The following GRIK2 variants were observed in gnomAD, a reference collection of about 807,000 sequenced individuals.
GRIK2 encodes the protein glutamate ionotropic receptor kainate type subunit 2, also known as glutamate receptor ionotropic, kainate 2.
In GRIK2, 32 loss-of-function variants were observed where a neutral mutation model predicts 100.3. That is an observed-to-expected ratio of 0.32 (90% confidence interval 0.24 to 0.43). GRIK2 has a LOEUF of 0.43. Ranked by LOEUF, GRIK2 falls within the 20% of genes least tolerant of loss-of-function variation. The pLI is 1.00. For missense variants in GRIK2, 843 were observed against 1,114.9 expected (o/e 0.76, Z 3.47); for synonymous variants, 417 against 389.4 (o/e 1.07, Z -0.83).
chr6:101,495,874 A>G (rs769837457), intron 2 of GRIK2, among the ~76,000 whole-genome samples: 1 of 151,918 alleles, frequency 6.6e-6, no homozygotes, highest in African/African-American at 2.4e-5. Context: ...TTCCTAAATC[A>G]TATACTGACT....
chr6:101,997,183 A>G (rs987895579), intron 14 of GRIK2, among the ~76,000 whole-genome samples: 3 of 152,114 alleles, frequency 2.0e-5, no homozygotes, highest in Non-Finnish European at 2.9e-5. Context: ...ATTTATAGGT[A>G]TAGTGAGTTG....
At chr6:101,471,982 A>AT (rs35531216) in intron 2 of GRIK2, among the ~76,000 whole-genome samples, 185 of 150,912 alleles carry the variant, frequency 1.2e-3, no homozygotes, top group Non-Finnish European at 1.8e-3. Flanking sequence ...TTAAAGAATG[A>AT]TTTTTTTTTG....
chr6:101,968,823 C>G (rs1214851257), intron 14 of GRIK2, among the ~76,000 whole-genome samples: 1 of 151,868 alleles, frequency 6.6e-6, no homozygotes, highest in Non-Finnish European at 1.5e-5. Context: ...AAGAAGACTT[C>G]TAAAATGAGG....
In GRIK2 at chr6:101,859,513, A is replaced by T; in HGVS notation, c.1524+20A>T. 1 of 1,393,858 alleles carries T rather than the reference A, an allele frequency of 7.2e-7. No individual in the cohort carries two copies. The highest frequency in any genetic ancestry group is 1.0e-6 in the Non-Finnish European group (1 of 985,150). 86.3% of individuals were successfully genotyped at this position (1,393,858 alleles called of 1,614,324 possible). Reference sequence around the variant, plus strand: ...GATCATGTAAGTCCCTTCCCTCATGATTTATTAGTTTGTTATGTTGCTACA... The same window carrying T: ...GATCATGTAAGTCCCTTCCCTCATGTTTTATTAGTTTGTTATGTTGCTACA... On this transcript the variant is annotated intron_variant, in intron 11 of 16. Transcript: ENST00000369134.
Position 101,787,101 on chromosome 6 carries a change from A to G in GRIK2, c.952-12547A>G, listed in dbSNP as rs543797043. Reference sequence around the variant, plus strand: ...TTTCCTATAAATTTTTGAGTTTGTTAGTACATAGTTTTTCATAACAGTCTT... The same window carrying G: ...TTTCCTATAAATTTTTGAGTTTGTTGGTACATAGTTTTTCATAACAGTCTT... On this transcript the variant is annotated intron_variant, in intron 7 of 16. Coordinates refer to ENST00000369134, the MANE Select transcript of GRIK2 (RefSeq NM_021956.5). 1.3e-4 allele frequency among the ~76,000 whole-genome samples: 19 copies of G among 151,948 alleles called. No individual in the cohort carries two copies. In the South Asian group the frequency reaches 4.0e-3, roughly 32 times the overall value.
intron 2 of GRIK2, among the ~76,000 whole-genome samples, chr6:101,523,720 CTTTT>C (rs1163558120): frequency 6.6e-5 from 8 of 121,528 alleles, no homozygotes; most frequent in Admixed American, 1.7e-4. Flanking sequence ...ACTCCTAAGT[CTTTT>C]TTTTTTTTTT....
chr6:101,410,065 C>A (rs1383321999), intron 2 of GRIK2, among the ~76,000 whole-genome samples: 1 of 152,012 alleles, frequency 6.6e-6, no homozygotes, highest in Admixed American at 6.6e-5. Flanking sequence ...AACATCATGA[C>A]TTTAATTGGT....
At chr6:102,057,811 C>G (rs2518154) in intron 16 of GRIK2, among the ~76,000 whole-genome samples, 2 of 151,528 alleles carry the variant, frequency 1.3e-5, no homozygotes, top group African/African-American at 4.8e-5. Flanking sequence ...TTTATACTCT[C>G]CCTTTTGACT....
chr6:101,621,228 A>G (rs897309416), intron 2 of GRIK2, among the ~76,000 whole-genome samples: 2 of 152,178 alleles, frequency 1.3e-5, no homozygotes, highest in African/African-American at 4.8e-5. Context: ...CAAGGCAGGC[A>G]GATGGCTTGA....
At chr6:101,433,990 C>A (rs963102175) in intron 2 of GRIK2, among the ~76,000 whole-genome samples, 8 of 152,206 alleles carry the variant, frequency 5.3e-5, no homozygotes, top group Non-Finnish European at 8.8e-5. Context: ...TAGTGCATGA[C>A]CTGTCACTGC....
Position 101,980,408 on chromosome 6 carries a change from T to TAA in GRIK2, c.2085+51778_2085+51779dup, listed in dbSNP as rs1266154841. Among the ~76,000 whole-genome samples the TAA allele has an allele frequency of 3.9e-5, 6 of 151,970 alleles. No homozygotes were observed. In the East Asian group the frequency reaches 1.2e-3, roughly 30 times the overall value. ...GTAGAATTGGAGTTTCTTAGATTTA[T>TAA]AAAGTATTTTTTGTTAGTGTCAGAA... On this transcript the variant is annotated intron_variant, in intron 14 of 16. Transcript: ENST00000369134.
intron 2 of GRIK2, among the ~76,000 whole-genome samples, chr6:101,466,577 A>G (rs1218537351): frequency 6.7e-6 from 1 of 149,838 alleles, no homozygotes; most frequent in African/African-American, 2.4e-5. Context: ...GGCACTCTTT[A>G]AAAGGCTGCT....
chr6:101,989,370 G>T (rs557967260), intron 14 of GRIK2, among the ~76,000 whole-genome samples: 1 of 151,612 alleles, frequency 6.6e-6, no homozygotes, highest in Admixed American at 6.6e-5. Flanking sequence ...TGTACGAAAG[G>T]TATTTATTAA....
chr6:101,422,827 G>A (rs1776476924), intron 2 of GRIK2, among the ~76,000 whole-genome samples: 1 of 152,058 alleles, frequency 6.6e-6, no homozygotes. Context: ...AACTCAACCA[G>A]AAAAAATAAT....
chr6:101,796,782 G>T (rs1050029999), intron 7 of GRIK2, among the ~76,000 whole-genome samples: 21 of 152,134 alleles, frequency 1.4e-4, no homozygotes, highest in African/African-American at 4.1e-4. Context: ...CAGGGCTCAA[G>T]TGATCCTCTT....
intron 2 of GRIK2, among the ~76,000 whole-genome samples, chr6:101,581,338 T>G (rs1158044827): frequency 6.6e-6 from 1 of 151,126 alleles, no homozygotes; most frequent in Non-Finnish European, 1.5e-5. Context: ...AATTAAGGAG[T>G]ATTGACTCAC....
At chr6:101,843,904 A>G (rs2128436191) in intron 10 of GRIK2, among the ~76,000 whole-genome samples, 1 of 152,238 alleles carries the variant, frequency 6.6e-6, no homozygotes. Flanking sequence ...ATACTTACCT[A>G]TTTACTTTTC....
chr6:101,994,547 A>G (rs1794550771), intron 14 of GRIK2, among the ~76,000 whole-genome samples: 1 of 151,852 alleles, frequency 6.6e-6, no homozygotes, highest in African/African-American at 2.4e-5. Flanking sequence ...TTAAACTCAC[A>G]ATAATCTTGG....
At chr6:101,890,692 G>T (rs147976742) in intron 12 of GRIK2, among the ~76,000 whole-genome samples, 1 of 151,450 alleles carries the variant, frequency 6.6e-6, no homozygotes, top group African/African-American at 2.4e-5. Context: ...TTTTACTCTC[G>T]GAGGTGTAAA....
Sources: gnomAD v4.1 joint callset for allele counts (sites outside exome capture counted in the v4.1 genomes callset) on GRCh38, gnomAD v4.1.1 for gene constraint, MANE v1.5 for transcripts, NCBI Gene and HGNC (gene_info 2026-07-23, HGNC 2026-07-21) for gene names.